RCL1: variants seen among roughly 807,000 people sequenced by gnomAD.
The protein encoded by RCL1 is RNA terminal phosphate cyclase like 1.
Under a neutral mutation model 42.4 loss-of-function variants are expected in RCL1, and 24 were observed. The ratio of observed to expected loss-of-function variants is 0.57; its 90% CI spans 0.41 to 0.80. The LOEUF is 0.80. RCL1 is among the 30% of genes least tolerant of loss of function. The pLI is 0.00. For synonymous variants in RCL1, 228 were observed against 177.3 expected, an observed-to-expected ratio of 1.29 and a Z score of -2.27; for missense variants, 578 against 467.9, an observed-to-expected ratio of 1.24 and a Z score of -2.17.
chr9:4,806,038 G>GTGTGTT (rs1554636249), intron 1 of RCL1, among the ~76,000 whole-genome samples: 6 of 135,048 alleles, frequency 4.4e-5, no homozygotes, highest in South Asian at 2.5e-4. Flanking sequence ...GTGTGTGTGT[G>GTGTGTT]TGTGTGTTTG....
chr9:4,859,263 C>G (rs1034561922), intron 8 of RCL1, among the ~76,000 whole-genome samples: 1 of 152,166 alleles, frequency 6.6e-6, no homozygotes, highest in African/African-American at 2.4e-5. Context: ...TGCACACTTC[C>G]CCGGCCACCT....
chr9:4,808,430 C>G (rs927697450), intron 1 of RCL1, among the ~76,000 whole-genome samples: 3 of 152,202 alleles, frequency 2.0e-5, no homozygotes, highest in African/African-American at 7.2e-5. Flanking sequence ...ATTTCAGCCT[C>G]CCAAGTAGCT....
intron 7 of RCL1, among the ~76,000 whole-genome samples, chr9:4,848,326 A>G (rs988700234): frequency 6.6e-6 from 1 of 152,252 alleles, no homozygotes; most frequent in African/African-American, 2.4e-5. Context: ...AAAGGCTAGC[A>G]GTAAGATCAA....
intron 3 of RCL1, among the ~76,000 whole-genome samples, chr9:4,830,604 A>G (rs929561767): frequency 6.6e-6 from 1 of 152,206 alleles, no homozygotes; most frequent in African/African-American, 2.4e-5. Context: ...TGGTGGATGA[A>G]GATTCCATTC....
At chr9:4,834,095 A>C (rs375761110) in intron 4 of RCL1, 46 bp from the exon 5 acceptor site, 49 of 1,594,820 alleles carry the variant, frequency 3.1e-5, no homozygotes, top group Middle Eastern at 3.6e-4. Context: ...AGGGTAATCC[A>C]TTGCTTTGCT....
At chr9:4,831,216 C>T (rs186768936) in intron 3 of RCL1, among the ~76,000 whole-genome samples, 1 of 152,146 alleles carries the variant, frequency 6.6e-6, no homozygotes, top group Non-Finnish European at 1.5e-5. Flanking sequence ...TGGAATTACC[C>T]TTGGGCTTCT....
chr9:4,826,931 C>T lies in RCL1; in HGVS notation c.282C>T (p.Gly94=), dbSNP rs1202314886. 6.2e-7 allele frequency: 1 copy of T among 1,614,068 alleles called. No individual in the cohort carries two copies. The highest frequency in any genetic ancestry group is 8.5e-7 in the Non-Finnish European group (1 of 1,179,948). Residue 94 remains glycine, a synonymous_variant, in exon 3 of 9, where the codon GGC becomes GGT. Coordinates refer to ENST00000381750, the MANE Select transcript of RCL1 (RefSeq NM_005772.5). The part of the protein sequence containing the change: ...SVEHDCSVLR[G]IGYYLESLLC... ...AACATGACTGTAGCGTCCTTCGTGG[C>T]ATTGGGTATTACCTGGAGAGTCTTC... is the stretch of plus-strand genomic sequence containing the variant.
At chr9:4,814,133 C>A (rs766851052) in intron 1 of RCL1, among the ~76,000 whole-genome samples, 1 of 151,688 alleles carries the variant, frequency 6.6e-6, no homozygotes, top group Non-Finnish European at 1.5e-5. Flanking sequence ...TACCCTAGAA[C>A]TTAAAGTATA....
At position 4,793,028 on chromosome 9, in the gene RCL1, G is replaced by A. The variant is rs949871518; in HGVS notation, c.-64G>A. Reference sequence around the variant, plus strand: ...CCGCCACCACCACCATCGGAGTCACGAGTCCCGCGTCTGTCCGAAGTCGCC... The same window carrying A: ...CCGCCACCACCACCATCGGAGTCACAAGTCCCGCGTCTGTCCGAAGTCGCC... On this transcript the variant is annotated 5_prime_UTR_variant, in exon 1 of 9. Coordinates refer to ENST00000381750, the MANE Select transcript of RCL1 (RefSeq NM_005772.5). 1.3e-6 allele frequency: 2 copies of A among 1,542,124 alleles called. No homozygotes were observed. The highest frequency in any genetic ancestry group is 8.8e-7 in the Non-Finnish European group (1 of 1,140,598).
chr9:4,831,251 C>T (rs1252489808), intron 3 of RCL1, among the ~76,000 whole-genome samples: 1 of 151,824 alleles, frequency 6.6e-6, no homozygotes, highest in Non-Finnish European at 1.5e-5. Flanking sequence ...AATTTGGCTT[C>T]ACTCTTTGTG....
At chr9:4,824,482 G>T (rs1367187002) in intron 2 of RCL1, among the ~76,000 whole-genome samples, 1 of 149,974 alleles carries the variant, frequency 6.7e-6, no homozygotes, top group African/African-American at 2.5e-5. Context: ...TAGTATTCCA[G>T]TGTATTGATG....
intron 8 of RCL1, among the ~76,000 whole-genome samples, chr9:4,859,916 T>G (rs1008295002): frequency 6.6e-6 from 1 of 152,226 alleles, no homozygotes; most frequent in African/African-American, 2.4e-5. Context: ...TTTATCTTGC[T>G]GTATTGCGTG....
At chr9:4,843,075 T>A (rs756424353) in intron 6 of RCL1, among the ~76,000 whole-genome samples, 14 of 152,256 alleles carry the variant, frequency 9.2e-5, no homozygotes, top group African/African-American at 1.4e-4. Flanking sequence ...AGCCCCATTT[T>A]AAAAATTACA....
chr9:4,851,941 C>T (rs1019191348), intron 8 of RCL1, among the ~76,000 whole-genome samples: 11 of 138,244 alleles, frequency 8.0e-5, no homozygotes, highest in South Asian at 2.2e-4. Context: ...AGGGCAGAGG[C>T]GCAATCTCCG....
At chr9:4,822,356 T>G (rs1389083789) in intron 1 of RCL1, among the ~76,000 whole-genome samples, 1 of 152,194 alleles carries the variant, frequency 6.6e-6, no homozygotes, top group East Asian at 1.9e-4. Flanking sequence ...CTGTCCTTGT[T>G]CATGGGCAGG....
At chr9:4,857,802 C>T (rs1576065) in intron 8 of RCL1, among the ~76,000 whole-genome samples, 71,701 of 151,920 alleles carry the variant, frequency 0.47, 18,081 homozygotes, top group East Asian at 0.72. Context: ...TTATTATAGC[C>T]ATCCTATTGG....
intron 1 of RCL1, among the ~76,000 whole-genome samples, chr9:4,808,432 C>G (rs1215278753): frequency 6.6e-6 from 1 of 152,034 alleles, no homozygotes; most frequent in Non-Finnish European, 1.5e-5. Flanking sequence ...TTCAGCCTCC[C>G]AAGTAGCTGG....
intron 8 of RCL1, chr9:4,850,485 TTTTTTTTC>T (rs1363135333): frequency 5.8e-6 from 1 of 172,716 alleles, no homozygotes; most frequent in Non-Finnish European, 1.3e-5. Flanking sequence ...ATGGAGGCTT[TTTTTTTTC>T]TTTTTTTTTT....
chr9:4,806,118 G>GT (rs143811906), intron 1 of RCL1, among the ~76,000 whole-genome samples: 4,847 of 148,428 alleles, frequency 0.033, 237 homozygotes, highest in African/African-American at 0.11. Context: ...TATTTAGGAG[G>GT]TTTTTTTTTC....
Sources: gnomAD v4.1 joint callset for allele counts (sites outside exome capture counted in the v4.1 genomes callset) on GRCh38, gnomAD v4.1.1 for gene constraint, MANE v1.5 for transcripts, NCBI Gene and HGNC (gene_info 2026-07-23, HGNC 2026-07-21) for gene names.